The following CARMIL1 variants were observed in gnomAD, a reference collection of about 807,000 sequenced individuals.
CARMIL1 encodes F-actin-uncapping protein LRRC16A.
A neutral mutation model predicts 177.1 loss-of-function variants in CARMIL1; 90 were observed. That is an observed-to-expected ratio of 0.51 (90% CI 0.43 to 0.61). The LOEUF is 0.61. Ranked by LOEUF, CARMIL1 falls within the 20% of genes least tolerant of loss-of-function variation. The pLI is 0.00. For missense variants in CARMIL1, 1,380 were observed against 1,667.0 expected, an observed-to-expected ratio of 0.83 and a Z score of 3.00; for synonymous variants, 577 against 606.2, an observed-to-expected ratio of 0.95 and a Z score of 0.71.
chr6:25,586,302 CTCAGT>C (rs1813672677), intron 31 of CARMIL1, among the ~76,000 whole-genome samples: 1 of 150,154 alleles, frequency 6.7e-6, no homozygotes. Flanking sequence ...AGAGACACTC[CTCAGT>C]TCCCAGACGG....
intron 2 of CARMIL1, among the ~76,000 whole-genome samples, chr6:25,375,962 C>T (rs900379629): frequency 2.6e-5 from 4 of 152,118 alleles, no homozygotes; most frequent in African/African-American, 9.7e-5. Flanking sequence ...TAATAGTCCA[C>T]CTTTTGAATT....
intron 12 of CARMIL1, among the ~76,000 whole-genome samples, chr6:25,484,055 G>C (rs1347320660): frequency 3.9e-5 from 6 of 152,128 alleles, no homozygotes; most frequent in Non-Finnish European, 7.3e-5. Flanking sequence ...ACTGAGCCTG[G>C]CTGCTTCTAT....
chr6:25,472,408 T>C lies in CARMIL1; in HGVS notation c.780-19T>C, dbSNP rs1477232323. On this transcript the variant is annotated intron_variant, in intron 10 of 36. Coordinates refer to ENST00000329474, the MANE Select transcript of CARMIL1 (RefSeq NM_017640.6). ...TTTTACATTTTGTTATTTAATCTTA[T>C]TGTTTTGTTTACACGCAGAGATTTT... 8 of 1,497,730 alleles carry C rather than the reference T, an allele frequency of 5.3e-6. No homozygotes were observed. The highest frequency in any genetic ancestry group is 2.4e-5 in the East Asian group (1 of 41,278). 92.8% of individuals were successfully genotyped at this position (1,497,730 alleles called of 1,614,324 possible). A position where few individuals can be genotyped will look rare whatever the true frequency, so the allele number is the denominator to read the frequency against.
chr6:25,572,538 A>C (rs923254608), intron 29 of CARMIL1, among the ~76,000 whole-genome samples: 36 of 151,838 alleles, frequency 2.4e-4, no homozygotes, highest in Admixed American at 2.3e-3. Context: ...CCGTCTCTAC[A>C]AAAAATACAA....
chr6:25,619,412 G>T, intron 36 of CARMIL1, 35 bp from the exon 37 acceptor site: 1 of 1,599,524 alleles, frequency 6.3e-7, no homozygotes, highest in Non-Finnish European at 8.5e-7. Flanking sequence ...GTATTACTTT[G>T]TCAGTAAACT....
chr6:25,490,670 C>A (rs1057357734), intron 13 of CARMIL1, among the ~76,000 whole-genome samples: 1 of 151,566 alleles, frequency 6.6e-6, no homozygotes, highest in African/African-American at 2.4e-5. Context: ...TGCACTCCAG[C>A]TTGGGCGATA....
At chr6:25,467,379 A>C (rs1800701436) in intron 9 of CARMIL1, among the ~76,000 whole-genome samples, 1 of 152,208 alleles carries the variant, frequency 6.6e-6, no homozygotes, top group African/African-American at 2.4e-5. Flanking sequence ...TAGTCCAGGG[A>C]TTGTGGGAAC....
intron 29 of CARMIL1, among the ~76,000 whole-genome samples, chr6:25,566,613 T>G (rs1811574597): frequency 6.6e-6 from 1 of 152,260 alleles, no homozygotes. Flanking sequence ...GTGATCTTAC[T>G]TACTTGTGAA....
At chr6:25,541,252 A>C (rs986615048) in intron 26 of CARMIL1, among the ~76,000 whole-genome samples, 2 of 152,226 alleles carry the variant, frequency 1.3e-5, no homozygotes, top group African/African-American at 4.8e-5. Flanking sequence ...GTCTCTGTTA[A>C]TATCTTAGTG....
chr6:25,507,950 A>G (rs1805084417), intron 17 of CARMIL1, among the ~76,000 whole-genome samples: 1 of 152,156 alleles, frequency 6.6e-6, no homozygotes, highest in Non-Finnish European at 1.5e-5. Context: ...CTTCCAATCT[A>G]TCATAAACCA....
rs1805941322 is a variant in CARMIL1, at chr6:25,515,882, G to C, written c.1805+35G>C. 8 of 1,560,024 alleles carry C rather than the reference G, an allele frequency of 5.1e-6. No homozygotes were observed. The highest frequency in any genetic ancestry group is 1.4e-5 in the African/African-American group (1 of 73,916). On this transcript the variant is annotated intron_variant, in intron 21 of 36. Transcript: ENST00000329474. The surrounding 1 kb of genome is among the most constrained non-coding windows in gnomAD (Gnocchi z 5.0). Reference sequence around the variant, plus strand: ...TCCCACCCTCCCTGCTCATGAGGAAGGCTTGGAGCAGATTCCGAACAGCAA... The same window carrying C: ...TCCCACCCTCCCTGCTCATGAGGAACGCTTGGAGCAGATTCCGAACAGCAA...
intron 5 of CARMIL1, among the ~76,000 whole-genome samples, chr6:25,448,765 G>A (rs1798484821): frequency 6.6e-6 from 1 of 152,104 alleles, no homozygotes; most frequent in Non-Finnish European, 1.5e-5. Flanking sequence ...CCTGGTACCT[G>A]GTTTTGGGTC....
intron 13 of CARMIL1, among the ~76,000 whole-genome samples, chr6:25,490,492 G>A (rs367977600): frequency 3.3e-5 from 5 of 152,024 alleles, no homozygotes; most frequent in African/African-American, 1.2e-4. Context: ...GGGTCCAGGG[G>A]TTTGTGACCA....
At chr6:25,336,498 T>C (rs149074937) in intron 2 of CARMIL1, among the ~76,000 whole-genome samples, 11 of 152,358 alleles carry the variant, frequency 7.2e-5, no homozygotes, top group African/African-American at 2.6e-4. Flanking sequence ...CTGTGTGACG[T>C]TGGACAAGTC....
intron 2 of CARMIL1, among the ~76,000 whole-genome samples, chr6:25,308,377 ATTTTT>A (rs35167760): frequency 2.5e-5 from 3 of 118,840 alleles, no homozygotes; most frequent in African/African-American, 9.8e-5. Context: ...TTGTACAACC[ATTTTT>A]TTTTTTTTTT....
intron 1 of CARMIL1, among the ~76,000 whole-genome samples, chr6:25,283,407 G>A (rs992953554): frequency 6.6e-6 from 1 of 152,182 alleles, no homozygotes; most frequent in Non-Finnish European, 1.5e-5. Flanking sequence ...GTAGTCAGGA[G>A]CCGTGGAGGA....
intron 2 of CARMIL1, among the ~76,000 whole-genome samples, chr6:25,346,829 A>G (rs2150344796): frequency 6.6e-6 from 1 of 152,350 alleles, no homozygotes; most frequent in Non-Finnish European, 1.5e-5. Context: ...CTCTTAAAGT[A>G]TATTTATTAC....
rs1207332434 is a variant in CARMIL1 at position 25,554,143 on chromosome 6, C to T, written c.2592+47C>T. 5 of 1,315,128 alleles carry T rather than the reference C, an allele frequency of 3.8e-6. No individual in the cohort carries two copies. The highest frequency in any genetic ancestry group is 4.3e-6 in the Non-Finnish European group (4 of 928,694). 81.5% of individuals were successfully genotyped at this position (1,315,128 alleles called of 1,614,324 possible). A position where few individuals can be genotyped will look rare whatever the true frequency, so the allele number is the denominator to read the frequency against. On this transcript the variant is annotated intron_variant, in intron 28 of 36. Transcript: ENST00000329474. The surrounding 1 kb of genome is among the most constrained non-coding windows in gnomAD (Gnocchi z 4.6). ...AGCAGGACCTCCTGTTTCAGCTCTG[C>T]TGTGATGCAGGATGACTTCCGGTGT...
chr6:25,364,219 C>T (rs1365554344), intron 2 of CARMIL1, among the ~76,000 whole-genome samples: 2 of 152,124 alleles, frequency 1.3e-5, no homozygotes. Flanking sequence ...GTTGGGATTA[C>T]AGACATGAGC....
Sources: gnomAD v4.1 joint callset for allele counts (sites outside exome capture counted in the v4.1 genomes callset) on GRCh38, gnomAD v4.1.1 for gene constraint, Gnocchi (gnomAD v3.1) non-coding constraint, MANE v1.5 for transcripts, NCBI Gene and HGNC (gene_info 2026-07-23, HGNC 2026-07-21) for gene names.